The following COBL variants were observed in gnomAD, a reference collection of about 807,000 sequenced individuals.
The protein encoded by COBL is protein cordon-bleu.
A neutral mutation model predicts 98.8 loss-of-function variants in COBL; 51 were observed. The observed-to-expected ratio is 0.52, with a 90% CI of 0.41 to 0.65. The LOEUF is 0.65. Ranked by LOEUF, COBL falls within the 30% of genes least tolerant of loss-of-function variation. COBL has a pLI of 0.00. For synonymous variants in COBL, 634 were observed against 651.7 expected (o/e 0.97, Z 0.41); for missense variants, 1,617 against 1,617.5 (o/e 1.00, Z 0.01).
At chr7:51,080,398 A>G (rs1439889161) in intron 7 of COBL, among the ~76,000 whole-genome samples, 1 of 152,224 alleles carries the variant, frequency 6.6e-6, no homozygotes, top group Non-Finnish European at 1.5e-5. Flanking sequence ...TGGATGTGAA[A>G]GCCACAGTGT....
intron 2 of COBL, among the ~76,000 whole-genome samples, chr7:51,194,634 G>T (rs920560060): frequency 4.6e-5 from 7 of 152,106 alleles, no homozygotes; most frequent in Non-Finnish European, 1.0e-4. Context: ...GTTGGTTTTT[G>T]ACTTTTTCAT....
At chr7:51,264,533 T>C (rs1298641847) in intron 1 of COBL, among the ~76,000 whole-genome samples, 3 of 151,506 alleles carry the variant, frequency 2.0e-5, no homozygotes, top group African/African-American at 4.9e-5. Flanking sequence ...TAGCCGGTCT[T>C]GGTGGTGCAC....
chr7:51,028,829 A>G lies in COBL; in HGVS notation c.2267T>C (p.Val756Ala). ...AATGGGCTGAGATTCTGCTTCAGGC[A>G]CAGACGAAGACAGGGAAATGATCCT... is the stretch of plus-strand genomic sequence containing the variant. The part of the protein sequence containing the change: ...GIRIISLSSS[V>A]PEAESQPIGK... The change falls in exon 10 of 13, where the codon GTG becomes GCG. Residue 756 changes from valine (V) to alanine (A), a missense_variant. Around this residue, in one of 3 missense-constraint regions of COBL, gnomAD observed 1,304 missense variants for 1,282.0 expected, o/e 1.02. Coordinates refer to ENST00000265136, the MANE Select transcript of COBL (RefSeq NM_015198.5). 1 of 1,614,238 alleles carries G rather than the reference A, an allele frequency of 6.2e-7. No individual in the cohort carries two copies. Among genetic ancestry groups the G allele is most frequent in the Non-Finnish European group, 8.5e-7 (1 of 1,180,038 alleles).
At chr7:51,052,419 G>A (rs1790334960) in intron 7 of COBL, among the ~76,000 whole-genome samples, 1 of 152,266 alleles carries the variant, frequency 6.6e-6, no homozygotes, top group Admixed American at 6.5e-5. Flanking sequence ...ACAAATCTTG[G>A]ATCCATTTAT....
intron 5 of COBL, among the ~76,000 whole-genome samples, chr7:51,152,157 A>T (rs1785623927): frequency 6.6e-6 from 1 of 152,214 alleles, no homozygotes; most frequent in Non-Finnish European, 1.5e-5. Context: ...CCAGAAAAGG[A>T]ACACTCTGGC....
intron 2 of COBL, among the ~76,000 whole-genome samples, chr7:51,199,800 A>G (rs1790947171): frequency 6.6e-6 from 1 of 151,912 alleles, no homozygotes; most frequent in African/African-American, 2.4e-5. Flanking sequence ...AAAAAGAAAA[A>G]GTGAAGAAAG....
chr7:51,212,605 C>T (rs1253389931), intron 2 of COBL, among the ~76,000 whole-genome samples: 2 of 152,198 alleles, frequency 1.3e-5, no homozygotes, highest in African/African-American at 4.8e-5. Flanking sequence ...GTTCTTGAGC[C>T]GCTGACACAA....
chr7:51,201,266 A>C (rs1791098796), intron 2 of COBL, among the ~76,000 whole-genome samples: 1 of 151,526 alleles, frequency 6.6e-6, no homozygotes, highest in Admixed American at 6.6e-5. Context: ...AGAAAGAAAG[A>C]ATGAAAGAAA....
chr7:51,048,351 T>C (rs1477302587), intron 7 of COBL, among the ~76,000 whole-genome samples: 1 of 152,196 alleles, frequency 6.6e-6, no homozygotes, highest in African/African-American at 2.4e-5. Context: ...TTTAAAAATA[T>C]TGTAATTTTT....
At chr7:51,242,511 T>G (rs1452395522) in intron 1 of COBL, among the ~76,000 whole-genome samples, 1 of 152,162 alleles carries the variant, frequency 6.6e-6, no homozygotes, top group Non-Finnish European at 1.5e-5. Flanking sequence ...CTCAGCTCCA[T>G]GTTGTACAGT....
intron 2 of COBL, among the ~76,000 whole-genome samples, chr7:51,206,805 TG>T (rs1314752744): frequency 6.6e-6 from 1 of 152,184 alleles, no homozygotes; most frequent in African/African-American, 2.4e-5. Flanking sequence ...CACTTATATG[TG>T]GAATCTAAAA....
chr7:51,139,486 G>T (rs781494388), intron 5 of COBL, among the ~76,000 whole-genome samples: 2 of 152,046 alleles, frequency 1.3e-5, no homozygotes, highest in Non-Finnish European at 2.9e-5. Context: ...TAGAACAGAT[G>T]ATTTTTCTCC....
At chr7:51,310,415 T>C (rs1429608432) in intron 1 of COBL, among the ~76,000 whole-genome samples, 2 of 152,208 alleles carry the variant, frequency 1.3e-5, no homozygotes, top group Non-Finnish European at 2.9e-5. Context: ...CTGCCTTTGA[T>C]AGAAGAAAGT....
intron 6 of COBL, among the ~76,000 whole-genome samples, chr7:51,121,015 T>A (rs563374677): frequency 3.9e-5 from 6 of 152,282 alleles, no homozygotes; most frequent in Non-Finnish European, 7.4e-5. Context: ...CTGCTTTCAA[T>A]TATTTTGGAT....
rs542494803 is a variant in COBL, at chr7:51,284,507, A to T, written c.41+32086T>A. On this transcript the variant is annotated intron_variant, in intron 1 of 12. Transcript: ENST00000265136. ...ACAAGTCTCAGTAAATTAGAAATAAAAAAAAAAAACTTCCTAAGCCTATTA... is the reference window on the plus strand; with the variant it reads ...ACAAGTCTCAGTAAATTAGAAATAATAAAAAAAAACTTCCTAAGCCTATTA... Among the ~76,000 whole-genome samples, 12 of 151,754 alleles carry T rather than the reference A, an allele frequency of 7.9e-5. No homozygotes were observed. In the East Asian group the frequency reaches 1.2e-3, roughly 15 times the overall value.
intron 6 of COBL, among the ~76,000 whole-genome samples, chr7:51,133,243 G>C (rs1432063131): frequency 6.6e-6 from 1 of 152,196 alleles, no homozygotes; most frequent in Non-Finnish European, 1.5e-5. Flanking sequence ...CTGGGTCCCA[G>C]TGAGAAGGAG....
intron 7 of COBL, among the ~76,000 whole-genome samples, chr7:51,066,664 A>G (rs1351824075): frequency 6.6e-6 from 1 of 152,206 alleles, no homozygotes; most frequent in African/African-American, 2.4e-5. Flanking sequence ...AGGGGGTGCC[A>G]CTTTAGCCAT....
At chr7:51,263,172 G>C (rs979564718) in intron 1 of COBL, among the ~76,000 whole-genome samples, 3 of 152,168 alleles carry the variant, frequency 2.0e-5, no homozygotes, top group Non-Finnish European at 4.4e-5. Flanking sequence ...GTGGCCCTGG[G>C]AGCAGGTCCT....
intron 1 of COBL, among the ~76,000 whole-genome samples, chr7:51,228,015 G>T (rs920045169): frequency 2.0e-5 from 3 of 152,044 alleles, no homozygotes; most frequent in African/African-American, 7.2e-5. Context: ...AGGGAGAAAC[G>T]ACTTTACCCA....
Sources: gnomAD v4.1 joint callset for allele counts (sites outside exome capture counted in the v4.1 genomes callset) on GRCh38, gnomAD v4.1.1 for gene constraint, gnomAD v4.1.1 regional missense constraint, MANE v1.5 for transcripts, NCBI Gene and HGNC (gene_info 2026-07-23, HGNC 2026-07-21) for gene names.